RTTN: variants seen among roughly 807,000 people sequenced by gnomAD.
RTTN encodes the protein rotatin.
Under a neutral mutation model 269.2 loss-of-function variants are expected in RTTN, and 182 were observed. That is an observed-to-expected ratio of 0.68 (90% CI 0.60 to 0.76). RTTN has a LOEUF of 0.76. Among genes scored for constraint, RTTN ranks in the 30% least tolerant of loss-of-function variants. The pLI is 0.00. For synonymous variants in RTTN, 1,006 were observed against 963.5 expected (o/e 1.04, Z -0.82); for missense variants, 2,545 against 2,608.6 (o/e 0.98, Z 0.53).
chr18:70,101,587 T>C (rs1191175014), intron 28 of RTTN, among the ~76,000 whole-genome samples: 1 of 152,180 alleles, frequency 6.6e-6, no homozygotes, highest in African/African-American at 2.4e-5. Flanking sequence ...TCATTTCTGC[T>C]CTGTTCTTAG....
chr18:70,153,603 A>C (rs2060597375), intron 14 of RTTN, among the ~76,000 whole-genome samples: 1 of 152,216 alleles, frequency 6.6e-6, no homozygotes, highest in Non-Finnish European at 1.5e-5. Flanking sequence ...GCCTCTTCAG[A>C]AAAAGTAACC....
chr18:70,079,005 C>A (rs1799104243), intron 32 of RTTN, among the ~76,000 whole-genome samples: 1 of 152,012 alleles, frequency 6.6e-6, no homozygotes, highest in South Asian at 2.1e-4. Flanking sequence ...CTATGAGATA[C>A]TGTGGTATCT....
At chr18:70,188,259 A>T in intron 9 of RTTN, 36 bp from the exon 10 acceptor site, 1 of 1,156,408 alleles carries the variant, frequency 8.6e-7, no homozygotes, top group Non-Finnish European at 1.3e-6. Flanking sequence ...AAGGAGAAGA[A>T]GTTACTTAAC....
At position 70,168,925 on chromosome 18, in the gene RTTN, TA is replaced by T; in HGVS notation, c.1618del (p.Tyr540IlefsTer30). ...EQLNSENYSIYKRTAEAVYSI... is the reference protein window; with the variant it reads ...EQLNSENYSIXKRTAEAVYSI... ...ATAAACGGCCTCTGCAGTTCGTTTATAAATACTGTAGTTTTCAGAATTCAGC... is the reference window on the plus strand; with the variant it reads ...ATAAACGGCCTCTGCAGTTCGTTTATAATACTGTAGTTTTCAGAATTCAGC... On this transcript the variant is annotated frameshift_variant, in exon 12 of 49. Coordinates refer to ENST00000640769, the MANE Select transcript of RTTN (RefSeq NM_173630.4). LOFTEE classifies it high-confidence loss of function. 6.2e-7 allele frequency: 1 copy of T among 1,613,538 alleles called. No individual in the cohort carries two copies.
At chr18:70,023,149 C>T (rs1395922100) in intron 44 of RTTN, among the ~76,000 whole-genome samples, 1 of 152,118 alleles carries the variant, frequency 6.6e-6, no homozygotes, top group African/African-American at 2.4e-5. Flanking sequence ...CCCTAAGTAG[C>T]AAGGAATTGA....
At chr18:70,190,812 T>C (rs2061653629) in intron 8 of RTTN, 93 bp from the exon 9 acceptor site, 1 of 816,182 alleles carries the variant, frequency 1.2e-6, no homozygotes, top group East Asian at 2.6e-5. Context: ...AGAAGCCTCA[T>C]ACAAGTCACA....
intron 40 of RTTN, among the ~76,000 whole-genome samples, chr18:70,037,425 C>T (rs958365633): frequency 5.3e-5 from 8 of 152,168 alleles, no homozygotes; most frequent in African/African-American, 1.7e-4. Context: ...TAGATACCAG[C>T]TCAGTCACAA....
At chr18:70,163,994 T>C (rs1441162200) in intron 14 of RTTN, among the ~76,000 whole-genome samples, 16 of 152,268 alleles carry the variant, frequency 1.1e-4, no homozygotes, top group Non-Finnish European at 2.4e-4. Context: ...TGATTCTACT[T>C]ATATGAGTTA....
chr18:70,047,442 T>C (rs2057522007), intron 40 of RTTN, among the ~76,000 whole-genome samples: 1 of 152,194 alleles, frequency 6.6e-6, no homozygotes. Flanking sequence ...TTGATTCACA[T>C]TTTAGACTGT....
intron 40 of RTTN, among the ~76,000 whole-genome samples, chr18:70,033,403 G>T (rs1284675117): frequency 6.6e-6 from 1 of 152,156 alleles, no homozygotes; most frequent in East Asian, 1.9e-4. Flanking sequence ...AATAAAAACA[G>T]AATTCAATAC....
intron 40 of RTTN, chr18:70,031,279 A>G (rs2057004902): frequency 4.0e-6 from 2 of 494,210 alleles, no homozygotes; most frequent in African/African-American, 2.0e-5. Context: ...TCACCAGCGC[A>G]TATTGTATAT....
chr18:70,153,905 T>C (rs933408693), intron 14 of RTTN, among the ~76,000 whole-genome samples: 2 of 152,150 alleles, frequency 1.3e-5, no homozygotes, highest in East Asian at 1.9e-4. Flanking sequence ...TTATCTTTTG[T>C]GACAAAAGAA....
At chr18:70,201,667 A>G (rs1960292287) in intron 4 of RTTN, among the ~76,000 whole-genome samples, 1 of 145,528 alleles carries the variant, frequency 6.9e-6, no homozygotes, top group Admixed American at 7.0e-5. Context: ...TACTACTGCC[A>G]TTAATACCAT....
At chr18:70,078,582 C>T (rs11151564) in intron 32 of RTTN, among the ~76,000 whole-genome samples, 37 of 151,784 alleles carry the variant, frequency 2.4e-4, no homozygotes, top group African/African-American at 8.7e-4. Flanking sequence ...TACATATATA[C>T]ACACACACAT....
In RTTN at chr18:70,059,875, C is replaced by T; in HGVS notation, c.4915G>A (p.Ala1639Thr). 1 of 1,609,102 alleles carries T rather than the reference C, an allele frequency of 6.2e-7. No individual in the cohort carries two copies. Among genetic ancestry groups the T allele is most frequent in the Admixed American group, 1.7e-5 (1 of 59,428 alleles). Residue 1639 changes from alanine to threonine, a missense_variant, in exon 36 of 49, where the codon GCT becomes ACT. Ala to Thr is a moderately conservative substitution (Grantham distance 58). Transcript: ENST00000640769. ...CTACAGAGAAGTTCTATGAGATGAG[C>T]TTGTCGAAAAGCCTTTGCAGTGTCT... ...PRDTAKAFRQ[A>T]HLIELLCSIA...
intron 10 of RTTN, among the ~76,000 whole-genome samples, chr18:70,179,068 C>T (rs2061363769): frequency 6.6e-6 from 1 of 152,084 alleles, no homozygotes. Flanking sequence ...ACAAAGAAAA[C>T]TTCAGTGTAT....
At chr18:70,023,800 T>G (rs570898501) in intron 44 of RTTN, among the ~76,000 whole-genome samples, 1 of 152,300 alleles carries the variant, frequency 6.6e-6, no homozygotes, top group Non-Finnish European at 1.5e-5. Flanking sequence ...CTTTTCTTTG[T>G]GAGACAGAGT....
chr18:70,040,353 C>G (rs1247169537), intron 40 of RTTN, among the ~76,000 whole-genome samples: 1 of 151,126 alleles, frequency 6.6e-6, no homozygotes, highest in East Asian at 1.9e-4. Context: ...GATGTCAAAA[C>G]AAAAACTGTA....
chr18:70,118,115 T>C (rs777998744), intron 26 of RTTN, among the ~76,000 whole-genome samples: 5 of 151,198 alleles, frequency 3.3e-5, no homozygotes, highest in Admixed American at 6.6e-5. Flanking sequence ...ACAATGAAGA[T>C]AAGGGCAGAT....
Sources: gnomAD v4.1 joint callset for allele counts (sites outside exome capture counted in the v4.1 genomes callset) on GRCh38, gnomAD v4.1.1 for gene constraint, MANE v1.5 for transcripts, NCBI Gene and HGNC (gene_info 2026-07-23, HGNC 2026-07-21) for gene names.